The following UPF2 variants were observed in gnomAD, a reference collection of about 807,000 sequenced individuals.
UPF2 encodes UPF2 regulator of nonsense mediated mRNA decay.
In UPF2, 17 loss-of-function variants were observed where a neutral mutation model predicts 141.4. The observed-to-expected ratio is 0.12, with a 90% confidence interval of 0.08 to 0.18. The LOEUF (loss-of-function observed/expected upper bound fraction) is 0.18, where lower values mean the gene tolerates loss of function less well. UPF2 is among the 10% of genes least tolerant of loss of function. UPF2 has a pLI of 1.00. For synonymous variants in UPF2, 540 were observed against 498.0 expected (o/e 1.08, Z -1.12); for missense variants, 1,152 against 1,515.9 (o/e 0.76, Z 3.99).
intron 4 of UPF2, among the ~76,000 whole-genome samples, chr10:12,007,228 TA>T: frequency 6.6e-6 from 1 of 152,314 alleles, no homozygotes; most frequent in East Asian, 1.9e-4. Context: ...TCACCTAAGT[TA>T]ATGAAGCTAG....
At chr10:11,967,477 T>C in intron 9 of UPF2, 23 bp from the exon 10 acceptor site, 2 of 1,380,192 alleles carry the variant, frequency 1.4e-6, no homozygotes, top group Non-Finnish European at 2.0e-6. Flanking sequence ...AGAGAAAAGA[T>C]AATGCTTAAT....
At chr10:11,957,617 A>C (rs1170119050) in intron 12 of UPF2, among the ~76,000 whole-genome samples, 2 of 151,646 alleles carry the variant, frequency 1.3e-5, no homozygotes, top group African/African-American at 2.4e-5. Context: ...CCAGGGTTCA[A>C]GCAATTCTCA....
chr10:12,040,480 T>C (rs1416842657), intron 1 of UPF2, among the ~76,000 whole-genome samples: 1 of 151,982 alleles, frequency 6.6e-6, no homozygotes, highest in Non-Finnish European at 1.5e-5. Context: ...CCCTAGAACA[T>C]AATAAAACAG....
chr10:11,975,025 A>G (rs1018385315), intron 9 of UPF2, among the ~76,000 whole-genome samples: 1 of 152,220 alleles, frequency 6.6e-6, no homozygotes, highest in Non-Finnish European at 1.5e-5. Flanking sequence ...TTAACAAATA[A>G]AGAAACTTAA....
chr10:12,035,350 C>A lies in UPF2; in HGVS notation c.74G>T (p.Cys25Phe), dbSNP rs774801219. The A allele has an allele frequency of 6.2e-7, 1 of 1,605,796 alleles. No homozygotes were observed. The highest frequency in any genetic ancestry group is 1.1e-5 in the South Asian group (1 of 88,864). The change falls in exon 2 of 22, where the codon TGC (cysteine) becomes TTC (phenylalanine). Residue 25 changes from cysteine to phenylalanine, a missense_variant. Coordinates refer to ENST00000357604, the MANE Select transcript of UPF2 (RefSeq NM_015542.4). ...GCTGCTCACTGTCCGCCTTTCACTG[C>A]AGTCTTTTTCCTTGTTGTTTGGTAA... ...DSLPNNKEKDCSERRTVSSKE... is the reference protein window; with the variant it reads ...DSLPNNKEKDFSERRTVSSKE...
At chr10:11,938,865 T>TTTTTTTTTTTTTTTTTTTTTTTTTG (rs1588527808) in intron 18 of UPF2, among the ~76,000 whole-genome samples, 1 of 87,402 alleles carries the variant, frequency 1.1e-5, no homozygotes, top group Admixed American at 1.7e-4. Context: ...TTTTTTTTTT[T>TTTTTTTTTTTTTTTTTTTTTTTTTG]TTTTTTTTTT....
At position 11,956,699 on chromosome 10, in the gene UPF2, T is replaced by C. The variant is rs1028829975; in HGVS notation, c.2371-176A>G. ...CTGAGACTTTCTAATTACAATAAAA[T>C]GTATTATCATCTTTCCTAAATCCTT... On this transcript the variant is annotated intron_variant, in intron 12 of 21. Transcript: ENST00000357604. The surrounding 1 kb of genome is among the most constrained non-coding windows in gnomAD (Gnocchi z 4.2). Among the ~76,000 whole-genome samples, 21 of 152,192 alleles carry C rather than the reference T, an allele frequency of 1.4e-4. No individual in the cohort carries two copies. The highest frequency in any genetic ancestry group is 2.1e-4 in the Non-Finnish European group (14 of 68,032).
chr10:12,009,464 C>T (rs1850120067), intron 4 of UPF2, among the ~76,000 whole-genome samples: 2 of 152,162 alleles, frequency 1.3e-5, no homozygotes, highest in Admixed American at 1.3e-4. Flanking sequence ...GATCACTGGA[C>T]AATGTAAGCC....
intron 1 of UPF2, 38 bp from the exon 2 acceptor site, chr10:12,035,479 T>G: frequency 6.8e-7 from 1 of 1,465,338 alleles, no homozygotes; most frequent in Non-Finnish European, 9.0e-7. Flanking sequence ...ATAGATGCAG[T>G]GACTTTTTAA....
At chr10:12,008,729 G>C (rs989590909) in intron 4 of UPF2, among the ~76,000 whole-genome samples, 3 of 151,484 alleles carry the variant, frequency 2.0e-5, no homozygotes, top group African/African-American at 7.3e-5. Flanking sequence ...AGAATGTGCA[G>C]GTGTGTTACA....
At chr10:11,927,293 G>A (rs370714278) in intron 21 of UPF2, among the ~76,000 whole-genome samples, 7 of 152,210 alleles carry the variant, frequency 4.6e-5, no homozygotes, top group Admixed American at 6.5e-5. Flanking sequence ...TAATAAAAAC[G>A]TGCTATTCAG....
In UPF2 at chr10:11,955,488, T is replaced by C; in HGVS notation, c.2594A>G (p.Asn865Ser). Residue 865 changes from asparagine (N) to serine (S), a missense_variant, in exon 14 of 22, where the codon AAT becomes AGT. Asn to Ser is a conservative substitution (Grantham distance 46). Coordinates refer to ENST00000357604, the MANE Select transcript of UPF2 (RefSeq NM_015542.4). Reference protein sequence around the residue: ...LGMEVNQPKFNQRRISSAKFL... With the variant: ...LGMEVNQPKFSQRRISSAKFL... ...CTTGGCACTGCTGATGCGCCTCTGA[T>C]TAAATTTAGGTTGATTAACCTAAAA... 6.2e-7 allele frequency: 1 copy of C among 1,612,586 alleles called. No individual in the cohort carries two copies. Among genetic ancestry groups the C allele is most frequent in the Non-Finnish European group, 8.5e-7 (1 of 1,179,344 alleles).
At chr10:11,941,719 G>A (rs1832938661) in intron 18 of UPF2, among the ~76,000 whole-genome samples, 1 of 152,142 alleles carries the variant, frequency 6.6e-6, no homozygotes, top group Admixed American at 6.5e-5. Flanking sequence ...AGTGGGGCCT[G>A]CATCCTGCCA....
intron 4 of UPF2, among the ~76,000 whole-genome samples, chr10:12,009,984 T>C (rs1172476481): frequency 2.0e-5 from 3 of 152,172 alleles, no homozygotes; most frequent in African/African-American, 4.8e-5. Context: ...GGACCAGGAA[T>C]AGTCTGTATA....
chr10:11,954,137 C>G (rs1310869861), intron 14 of UPF2, among the ~76,000 whole-genome samples: 31 of 152,200 alleles, frequency 2.0e-4, no homozygotes, highest in Admixed American at 2.0e-3. Flanking sequence ...GAAATACAAA[C>G]TTTATAGAGG....
intron 14 of UPF2, among the ~76,000 whole-genome samples, chr10:11,952,981 G>A (rs1434243819): frequency 6.6e-6 from 1 of 152,078 alleles, no homozygotes; most frequent in South Asian, 2.1e-4. Context: ...AAGAGTTAAA[G>A]TATCTGAAAA....
At chr10:11,976,224 G>C (rs796068138) in intron 9 of UPF2, among the ~76,000 whole-genome samples, 3 of 152,114 alleles carry the variant, frequency 2.0e-5, no homozygotes, top group Non-Finnish European at 4.4e-5. Context: ...AGGTTCTTAG[G>C]GGGAAAAACA....
chr10:12,030,566 A>ATAG (rs34014011), intron 2 of UPF2, among the ~76,000 whole-genome samples: 1 of 151,428 alleles, frequency 6.6e-6, no homozygotes, highest in Non-Finnish European at 1.5e-5. Flanking sequence ...AATAATAATA[A>ATAG]TTAGCACTAT....
chr10:11,943,687 T>G (rs1004368794), intron 16 of UPF2, among the ~76,000 whole-genome samples: 1 of 152,182 alleles, frequency 6.6e-6, no homozygotes, highest in African/African-American at 2.4e-5. Context: ...GCTTTATTGT[T>G]CCTATTTTAC....
Sources: allele counts gnomAD v4.1 joint callset (sites outside exome capture counted in the v4.1 genomes callset), GRCh38; gene constraint gnomAD v4.1.1; non-coding constraint Gnocchi (gnomAD v3.1); transcripts MANE v1.5; gene names NCBI Gene and HGNC (gene_info 2026-07-23, HGNC 2026-07-21).